Variants in ITPR1 observed in about 807,000 individuals in gnomAD.
The protein encoded by ITPR1 is inositol 1,4,5-trisphosphate-gated calcium channel ITPR1.
A neutral mutation model predicts 318.4 loss-of-function variants in ITPR1; 96 were observed. The ratio of observed to expected loss-of-function variants is 0.30; its 90% confidence interval spans 0.26 to 0.36. ITPR1 has a LOEUF of 0.36. Among genes scored for constraint, ITPR1 ranks in the 10% least tolerant of loss-of-function variants. The pLI, the probability that ITPR1 is intolerant of heterozygous loss-of-function variation, is 1.00. For missense variants in ITPR1, 2,440 were observed against 3,460.2 expected, an observed-to-expected ratio of 0.71 and a Z score of 7.40; for synonymous variants, 1,312 against 1,289.9, an observed-to-expected ratio of 1.02 and a Z score of -0.37.
intron 54 of ITPR1, among the ~76,000 whole-genome samples, chr3:4,803,033 G>A (rs957375386): frequency 2.0e-5 from 3 of 152,192 alleles, no homozygotes; most frequent in Non-Finnish European, 4.4e-5. Context: ...TTTTGCAGCT[G>A]TACAGGAAGC....
At position 4,693,468 on chromosome 3, in the gene ITPR1, ACCCAC is replaced by A. The variant is rs1013847521; in HGVS notation, c.4030-19_4030-15del. The stretch of plus-strand genomic sequence containing the variant: ...CCACCCCTGCAAGCTTGTAATCTAA[ACCCAC>A]CCTGTTCTTTATGTAGCTGGTCAAT... On this transcript the variant is annotated splice_polypyrimidine_tract_variant and intron_variant, in intron 32 of 61. Coordinates refer to ENST00000649015, the MANE Select transcript of ITPR1 (RefSeq NM_001378452.1). 57 of 1,607,464 alleles carry A rather than the reference ACCCAC, an allele frequency of 3.5e-5. No individual in the cohort carries two copies. The highest frequency in any genetic ancestry group is 4.8e-5 in the Non-Finnish European group (56 of 1,174,450).
At chr3:4,751,761 A>C in intron 44 of ITPR1, among the ~76,000 whole-genome samples, 1 of 152,132 alleles carries the variant, frequency 6.6e-6, no homozygotes. Context: ...GAAATCTTCC[A>C]GCAGAGTTAA....
At chr3:4,509,636 G>A (rs561440916) in intron 2 of ITPR1, among the ~76,000 whole-genome samples, 46 of 152,172 alleles carry the variant, frequency 3.0e-4, no homozygotes, top group African/African-American at 1.1e-3. Context: ...ACAAAAATAA[G>A]AATGAAAAAA....
intron 35 of ITPR1, among the ~76,000 whole-genome samples, chr3:4,701,748 TGTTCACTGAGGCCTGAATGA>T (rs143753496): frequency 0.012 from 1,795 of 152,310 alleles, 39 homozygotes; most frequent in African/African-American, 0.04. Context: ...GTCACAGAAT[TGTTCACTGAGGCCTGAATGA>T]GATCATATGT....
chr3:4,588,520 C>T (rs907620310), intron 4 of ITPR1, among the ~76,000 whole-genome samples: 7 of 152,134 alleles, frequency 4.6e-5, no homozygotes, highest in African/African-American at 1.7e-4. Flanking sequence ...CTCTCTTCCG[C>T]TTTCTCACCT....
intron 49 of ITPR1, 131 bp from the exon 50 acceptor site, chr3:4,782,488 A>G (rs1026272143): frequency 4.9e-5 from 43 of 872,834 alleles, no homozygotes; most frequent in African/African-American, 6.9e-5. Context: ...GGCTGTGTCC[A>G]AGCCCGATAG....
At chr3:4,522,829 G>A (rs888946524) in intron 4 of ITPR1, among the ~76,000 whole-genome samples, 4 of 152,238 alleles carry the variant, frequency 2.6e-5, no homozygotes, top group African/African-American at 9.6e-5. Flanking sequence ...TCCCTAGGAA[G>A]AGATTGATAC....
chr3:4,759,617 C>G (rs893555453), intron 44 of ITPR1, among the ~76,000 whole-genome samples: 1 of 152,312 alleles, frequency 6.6e-6, no homozygotes, highest in East Asian at 1.9e-4. Flanking sequence ...CAAGGAGTTT[C>G]AATGGCAAGA....
intron 44 of ITPR1, among the ~76,000 whole-genome samples, chr3:4,746,917 C>G (rs931656672): frequency 6.6e-6 from 1 of 152,178 alleles, no homozygotes; most frequent in African/African-American, 2.4e-5. Context: ...ATCTGACTCC[C>G]CAGCACTCAG....
intron 5 of ITPR1, among the ~76,000 whole-genome samples, chr3:4,629,586 T>G (rs1009899624): frequency 7.2e-5 from 11 of 152,226 alleles, no homozygotes; most frequent in African/African-American, 2.4e-5. Flanking sequence ...TGGCACATAG[T>G]AGGTGCTCGG....
At chr3:4,706,422 C>T in intron 37 of ITPR1, 71 bp downstream of exon 37, 1 of 1,373,072 alleles carries the variant, frequency 7.3e-7, no homozygotes, top group African/African-American at 1.4e-5. Flanking sequence ...GCAGTGCATC[C>T]TTGAGCCACA....
chr3:4,755,667 C>A (rs754273710), intron 44 of ITPR1, among the ~76,000 whole-genome samples: 16 of 152,196 alleles, frequency 1.1e-4, no homozygotes, highest in Non-Finnish European at 2.2e-4. Context: ...CCCCAGAGCC[C>A]AGTGACCAGA....
intron 10 of ITPR1, among the ~76,000 whole-genome samples, chr3:4,647,092 T>A (rs2093475395): frequency 6.6e-6 from 1 of 152,172 alleles, no homozygotes; most frequent in Admixed American, 6.5e-5. Context: ...TCCTTTTTCC[T>A]CCTGGAGACT....
rs770946716 is a variant in ITPR1, at chr3:4,693,725, A to G, written c.4265A>G (p.Glu1422Gly). 6.2e-7 allele frequency: 1 copy of G among 1,612,964 alleles called. No individual in the cohort carries two copies. Among genetic ancestry groups the G allele is most frequent in the Non-Finnish European group, 8.5e-7 (1 of 1,179,354 alleles). The change falls in exon 33 of 62, where the codon GAG (glutamate) becomes GGG (glycine). Residue 1422 changes from glutamate (E) to glycine (G), a missense_variant. Transcript: ENST00000649015. ...GACATCGTTCGCGTGGTGACCCACGAGGACTGCATCCCTGAGGTGAGCGAG... is the reference window on the plus strand; with the variant it reads ...GACATCGTTCGCGTGGTGACCCACGGGGACTGCATCCCTGAGGTGAGCGAG... ...LDDIVRVVTHEDCIPEVKIAY... is the reference protein window; with the variant it reads ...LDDIVRVVTHGDCIPEVKIAY...
At chr3:4,583,471 C>T (rs77966080) in intron 4 of ITPR1, among the ~76,000 whole-genome samples, 15 of 152,188 alleles carry the variant, frequency 9.9e-5, no homozygotes, top group African/African-American at 2.4e-4. Context: ...GGGATGAGTG[C>T]GTTACAGGCC....
intron 58 of ITPR1, 187 bp from the exon 59 acceptor site, chr3:4,814,866 A>G (rs1470809000): frequency 2.9e-5 from 18 of 621,026 alleles, no homozygotes; most frequent in Non-Finnish European, 4.2e-5. Context: ...GCTGTGTCAC[A>G]CCACACTTGG....
intron 40 of ITPR1, among the ~76,000 whole-genome samples, chr3:4,718,789 G>A (rs2041944495): frequency 6.6e-6 from 1 of 152,166 alleles, no homozygotes; most frequent in South Asian, 2.1e-4. Context: ...GTTAACTGCA[G>A]GGAATTTTGC....
intron 5 of ITPR1, among the ~76,000 whole-genome samples, chr3:4,632,677 T>C (rs981557333): frequency 2.6e-5 from 4 of 152,182 alleles, no homozygotes; most frequent in Admixed American, 6.5e-5. Context: ...TTCAGCCCCA[T>C]TTGCAACCTG....
At chr3:4,756,574 G>T (rs537125999) in intron 44 of ITPR1, among the ~76,000 whole-genome samples, 68 of 152,114 alleles carry the variant, frequency 4.5e-4, no homozygotes, top group African/African-American at 1.6e-3. Context: ...ACGCCAGAAC[G>T]TGCAGTATTT....
Sources: allele counts gnomAD v4.1 joint callset (sites outside exome capture counted in the v4.1 genomes callset), GRCh38; gene constraint gnomAD v4.1.1; transcripts MANE v1.5; gene names NCBI Gene and HGNC (gene_info 2026-07-23, HGNC 2026-07-21).